FAT3: variants seen among roughly 807,000 people sequenced by gnomAD.
The protein encoded by FAT3 is protocadherin Fat 3.
FAT3 carries 95 observed loss-of-function variants against 310.2 expected under a neutral mutation model. The observed-to-expected ratio is 0.31, with a 90% CI of 0.26 to 0.36. The LOEUF (loss-of-function observed/expected upper bound fraction) is 0.36. Among genes scored for constraint, FAT3 ranks in the 10% least tolerant of loss-of-function variants. The pLI, the probability that FAT3 is intolerant of heterozygous loss-of-function variation, is 1.00. For synonymous variants in FAT3, 2,314 were observed against 2,192.9 expected (o/e 1.06, Z -1.54); for missense variants, 5,408 against 5,715.6 (o/e 0.95, Z 1.74).
intron 4 of FAT3, among the ~76,000 whole-genome samples, chr11:92,718,898 C>T (rs559663406): frequency 6.6e-6 from 1 of 152,280 alleles, no homozygotes; most frequent in South Asian, 2.1e-4. Context: ...TAATGACCTG[C>T]TCTGCATCTC....
chr11:92,257,796 T>C (rs1335972195), intron 1 of FAT3, among the ~76,000 whole-genome samples: 1 of 152,168 alleles, frequency 6.6e-6, no homozygotes, highest in Non-Finnish European at 1.5e-5. Flanking sequence ...GAACTACATT[T>C]TAATGAACAA....
At chr11:92,716,463 A>G (rs561636923) in intron 4 of FAT3, among the ~76,000 whole-genome samples, 172 of 152,274 alleles carry the variant, frequency 1.1e-3, no homozygotes, top group Non-Finnish European at 2.0e-3. Context: ...GCAGAAAAAA[A>G]AAAGGCTTCC....
At chr11:92,278,387 A>G (rs1360760816) in intron 1 of FAT3, among the ~76,000 whole-genome samples, 1 of 152,032 alleles carries the variant, frequency 6.6e-6, no homozygotes, top group African/African-American at 2.4e-5. Context: ...ATGCTTCGCC[A>G]TGGTAGTTAT....
At chr11:92,858,082 A>G (rs1949027637) in intron 20 of FAT3, among the ~76,000 whole-genome samples, 1 of 152,230 alleles carries the variant, frequency 6.6e-6, no homozygotes, top group African/African-American at 2.4e-5. Flanking sequence ...TTGGGATCCA[A>G]TAAATAGTTG....
intron 1 of FAT3, among the ~76,000 whole-genome samples, chr11:92,251,657 C>T (rs1487998896): frequency 1.3e-5 from 2 of 151,694 alleles, no homozygotes; most frequent in African/African-American, 4.8e-5. Flanking sequence ...GGGAAAAGAC[C>T]CATGAGTTAT....
intron 19 of FAT3, among the ~76,000 whole-genome samples, chr11:92,845,569 G>A (rs1948664287): frequency 6.6e-6 from 1 of 152,168 alleles, no homozygotes; most frequent in African/African-American, 2.4e-5. Context: ...ACTAGTCAAA[G>A]CCATAGCTGC....
At chr11:92,670,834 C>G (rs1194918964) in intron 3 of FAT3, among the ~76,000 whole-genome samples, 1 of 152,186 alleles carries the variant, frequency 6.6e-6, no homozygotes, top group Non-Finnish European at 1.5e-5. Flanking sequence ...CTAGCTGGAG[C>G]TTATTCACAG....
intron 2 of FAT3, among the ~76,000 whole-genome samples, chr11:92,481,858 C>G: frequency 6.6e-6 from 1 of 152,096 alleles, no homozygotes. Context: ...AAATCTGCAT[C>G]TTTAAAATGG....
rs375915741 is a variant in FAT3 at position 92,858,926 on chromosome 11, G to T, written c.11501-239G>T. The stretch of plus-strand genomic sequence containing the variant: ...GAATTTACCAAGTGGCTCTTGGCAT[G>T]AGGCAAATAAGATGATTTGGTGGCT... On this transcript the variant is annotated intron_variant, in intron 20 of 27. Coordinates refer to ENST00000525166, the MANE Select transcript of FAT3 (RefSeq NM_001367949.2). Among the ~76,000 whole-genome samples, 3 of 152,278 alleles carry T rather than the reference G, an allele frequency of 2.0e-5. No individual in the cohort carries two copies. The East Asian group carries it at 5.8e-4, about 29-fold the overall frequency.
intron 2 of FAT3, among the ~76,000 whole-genome samples, chr11:92,504,224 A>T (rs971399494): frequency 6.6e-6 from 1 of 152,198 alleles, no homozygotes; most frequent in African/African-American, 2.4e-5. Context: ...TGAATGAGCC[A>T]GACTTCTTGG....
At chr11:92,306,288 A>G (rs1446582468) in intron 1 of FAT3, among the ~76,000 whole-genome samples, 2 of 151,062 alleles carry the variant, frequency 1.3e-5, no homozygotes, top group African/African-American at 4.9e-5. Flanking sequence ...ATTACTACCA[A>G]TGAGAAAATA....
chr11:92,840,726 C>G lies in FAT3; in HGVS notation c.10533C>G (p.His3511Gln), dbSNP rs367587333. 62 of 1,603,192 alleles carry G rather than the reference C, an allele frequency of 3.9e-5. No individual in the cohort carries two copies. The African/African-American group carries it at 7.1e-4, about 18-fold the overall frequency. ...GILRSAVVFQ[H>Q]TESLEYVLCV... ...TGCGGTCGGCTGTGGTCTTCCAGCA[C>G]ACAGAGTCTCTGGAATACGTGTTGT... is the stretch of plus-strand genomic sequence containing the variant. Residue 3511 changes from histidine to glutamine, a missense_variant, in exon 18 of 28, where the codon CAC becomes CAG. Physicochemically the swap from His to Gln is conservative, Grantham distance 24 (BLOSUM62 0). This residue lies in a region of FAT3 where 4,588 missense variants were observed against 4,809.8 expected (regional missense o/e 0.95). Coordinates refer to ENST00000525166, the MANE Select transcript of FAT3 (RefSeq NM_001367949.2).
intron 11 of FAT3, among the ~76,000 whole-genome samples, 168 bp downstream of exon 11, chr11:92,805,517 A>G (rs1220469868): frequency 2.0e-5 from 3 of 152,080 alleles, no homozygotes; most frequent in African/African-American, 4.8e-5. Flanking sequence ...TGAAAACATG[A>G]AAAGAGTATA....
At chr11:92,257,747 C>G (rs1194589063) in intron 1 of FAT3, among the ~76,000 whole-genome samples, 1 of 152,120 alleles carries the variant, frequency 6.6e-6, no homozygotes, top group African/African-American at 2.4e-5. Flanking sequence ...TTACTGACTG[C>G]TGATTCATCT....
intron 1 of FAT3, among the ~76,000 whole-genome samples, chr11:92,286,048 C>G (rs75349570): frequency 1.3e-5 from 2 of 152,020 alleles, no homozygotes; most frequent in African/African-American, 4.8e-5. Flanking sequence ...CTTAAAACAG[C>G]GTGACTCCCT....
At chr11:92,637,247 G>C (rs1296306635) in intron 3 of FAT3, among the ~76,000 whole-genome samples, 2 of 152,192 alleles carry the variant, frequency 1.3e-5, no homozygotes, top group Non-Finnish European at 2.9e-5. Context: ...TTGAGTATTG[G>C]TTAGAGAAGA....
At chr11:92,768,571 G>A (rs555959552) in intron 6 of FAT3, among the ~76,000 whole-genome samples, 6 of 151,930 alleles carry the variant, frequency 3.9e-5, no homozygotes, top group East Asian at 1.9e-4. Flanking sequence ...TTTTAGTCTC[G>A]CTCTCAAGAT....
intron 1 of FAT3, among the ~76,000 whole-genome samples, chr11:92,227,752 C>CTTTTTTTTTTTTTTTT (rs151286236): frequency 7.1e-6 from 1 of 140,550 alleles, no homozygotes. Context: ...CTTTCTTCTT[C>CTTTTTTTTTTTTTTTT]TTTTTTTTTT....
rs141943659 is a variant in FAT3, at chr11:92,627,963, G to A, written c.3608-69421G>A. The stretch of plus-strand genomic sequence containing the variant: ...CTTTGAAGCCAGGAGACAGGTCTGA[G>A]TCAGAGCTTGACACCTACTGTGCGA... On this transcript the variant is annotated intron_variant, in intron 3 of 27. Transcript: ENST00000525166. Among the ~76,000 whole-genome samples the A allele has an allele frequency of 5.5e-4, 84 of 152,336 alleles. 2 individuals carry two copies. In the East Asian group the frequency reaches 0.013, roughly 24 times the overall value.
Sources: gnomAD v4.1 joint callset for allele counts (sites outside exome capture counted in the v4.1 genomes callset) on GRCh38, gnomAD v4.1.1 for gene constraint, gnomAD v4.1.1 regional missense constraint, MANE v1.5 for transcripts, NCBI Gene and HGNC (gene_info 2026-07-23, HGNC 2026-07-21) for gene names.